FUNDC2: variants seen among roughly 807,000 people sequenced by gnomAD.
FUNDC2 encodes the protein FUN14 domain-containing protein 2.
Under a neutral mutation model 15.6 loss-of-function variants are expected in FUNDC2, and 4 were observed. The ratio of observed to expected loss-of-function variants is 0.26; its 90% CI spans 0.13 to 0.59. The LOEUF is 0.59. FUNDC2 is among the 20% of genes least tolerant of loss of function. The probability of loss-of-function intolerance (pLI) is 0.90; values close to 1 mark genes in which losing one functional copy is unlikely to be tolerated. For synonymous variants in FUNDC2, 44 were observed against 56.9 expected (o/e 0.77, Z 1.02); for missense variants, 98 against 149.7 (o/e 0.65, Z 1.80).
chrX:155,056,613 C>A lies in FUNDC2; in HGVS notation c.*1941C>A, dbSNP rs2073899193. 9.1e-6 allele frequency: 1 copy of A among 109,669 alleles called. No homozygotes were observed. 9.0% of individuals were successfully genotyped at this position (109,669 alleles called of 1,213,427 possible). A position where few individuals can be genotyped will look rare whatever the true frequency, so the allele number is the denominator to read the frequency against. On this transcript the variant is annotated 3_prime_UTR_variant, in exon 5 of 5. Coordinates refer to ENST00000369498, the MANE Select transcript of FUNDC2 (RefSeq NM_023934.4). ...ACACTGAGTCATCTGTTTCCTGCTT[C>A]CCCACACTCTGCCTCTCCTGACATC... is the stretch of plus-strand genomic sequence containing the variant.
chrX:155,056,216 C>G lies in FUNDC2; in HGVS notation c.*1544C>G, dbSNP rs782154768. 1 of 111,801 alleles carries G rather than the reference C, an allele frequency of 8.9e-6. No homozygotes were observed. The highest frequency in any genetic ancestry group is 1.9e-5 in the Non-Finnish European group (1 of 53,131). 9.2% of individuals were successfully genotyped at this position (111,801 alleles called of 1,213,427 possible). A position where few individuals can be genotyped will look rare whatever the true frequency, so the allele number is the denominator to read the frequency against. ...TACAATAATCCCCCTGTGTATCTAT[C>G]ACTCACTCACAACAATCATCAAATT... On this transcript the variant is annotated 3_prime_UTR_variant, in exon 5 of 5. Coordinates refer to ENST00000369498, the MANE Select transcript of FUNDC2 (RefSeq NM_023934.4).
chrX:155,054,114 A>AG (rs2073886662), intron 4 of FUNDC2: 3 of 752,672 alleles, frequency 4.0e-6, no homozygotes, highest in Non-Finnish European at 4.7e-6. Context: ...AGCAGGTTTC[A>AG]GGGGGGAATG....
intron 1 of FUNDC2, among the ~76,000 whole-genome samples, chrX:155,032,120 C>T (rs782403877): frequency 9.1e-6 from 1 of 109,334 alleles, no homozygotes; most frequent in Non-Finnish European, 1.9e-5. Flanking sequence ...TGATTACAGG[C>T]GCATGCCACC....
At chrX:155,053,950 A>G (rs1603439039) in intron 4 of FUNDC2, 1 of 751,823 alleles carries the variant, frequency 1.3e-6, no homozygotes, top group East Asian at 1.5e-4. Context: ...GAGTGTCTGA[A>G]TGTATGCACT....
rs1220487455 is a variant in FUNDC2 at position 155,057,059 on chromosome X, CTG to C, written c.*2390_*2391del. On this transcript the variant is annotated 3_prime_UTR_variant, in exon 5 of 5. Transcript: ENST00000369498. ...CCTCATCCTGCTAGTATGAGAACGGCTGTGAGTTCTGCCCACGGTGTGAGGCC... is the reference window on the plus strand; with the variant it reads ...CCTCATCCTGCTAGTATGAGAACGGCTGAGTTCTGCCCACGGTGTGAGGCC... 1.0e-5 allele frequency: 1 copy of C among 98,359 alleles called. No individual in the cohort carries two copies. Among genetic ancestry groups the C allele is most frequent in the Non-Finnish European group, 2.2e-5 (1 of 44,947 alleles). 8.1% of individuals were successfully genotyped at this position (98,359 alleles called of 1,213,427 possible). A position where few individuals can be genotyped will look rare whatever the true frequency, so the allele number is the denominator to read the frequency against.
intron 4 of FUNDC2, chrX:155,053,914 T>C (rs1351509330): frequency 4.9e-5 from 37 of 751,159 alleles, no homozygotes; most frequent in Non-Finnish European, 4.9e-5. Flanking sequence ...AGGAGATTGG[T>C]AGAGCACAGA....
chrX:155,031,330 T>G (rs2073814350), intron 1 of FUNDC2, among the ~76,000 whole-genome samples: 1 of 111,942 alleles, frequency 8.9e-6, no homozygotes, highest in Admixed American at 9.4e-5. Flanking sequence ...TTCTGTTTCT[T>G]TTTCTTTTTT....
intron 1 of FUNDC2, among the ~76,000 whole-genome samples, chrX:155,028,119 G>GAGCAGACTGCTC (rs1569560146): frequency 2.4e-3 from 162 of 66,265 alleles, no homozygotes; most frequent in African/African-American, 9.4e-3. Context: ...GCTCTTATAG[G>GAGCAGACTGCTC]TTGATCAGGT....
intron 1 of FUNDC2, among the ~76,000 whole-genome samples, chrX:155,032,089 C>A (rs1205942443): frequency 1.8e-5 from 2 of 109,037 alleles, no homozygotes; most frequent in Non-Finnish European, 3.8e-5. Flanking sequence ...GATTCTCCTG[C>A]CTCAGCCTCC....
intron 2 of FUNDC2, among the ~76,000 whole-genome samples, chrX:155,035,233 C>T (rs1241613308): frequency 9.0e-6 from 1 of 111,219 alleles, no homozygotes; most frequent in Non-Finnish European, 1.9e-5. Flanking sequence ...TTCTTTTCTT[C>T]CCCATGTGGA....
At position 155,058,629 on chromosome X, in the gene FUNDC2, G is replaced by C. The variant is rs1282139155; in HGVS notation, c.*3957G>C. 2.7e-5 allele frequency: 3 copies of C among 109,994 alleles called. No homozygotes were observed. Among genetic ancestry groups the C allele is most frequent in the East Asian group, 5.7e-4 (2 of 3,525 alleles). The allele number at this position is 109,994 out of a possible 1,213,427, so 9.1% of individuals were successfully genotyped here. On this transcript the variant is annotated 3_prime_UTR_variant, in exon 5 of 5. Coordinates refer to ENST00000369498, the MANE Select transcript of FUNDC2 (RefSeq NM_023934.4). ...CTTCATTTCTTTGTCATGAAATCTA[G>C]TATGATTTCTCAGAAATCAGGCCCA...
chrX:155,045,591 CAGTGG>C (rs2073859752), intron 2 of FUNDC2, among the ~76,000 whole-genome samples: 2 of 111,787 alleles, frequency 1.8e-5, no homozygotes, highest in Non-Finnish European at 3.8e-5. Flanking sequence ...AGGTCAAGAT[CAGTGG>C]TAACCTTGAT....
intron 1 of FUNDC2, 97 bp downstream of exon 1, chrX:155,027,168 C>T (rs990330124): frequency 2.2e-6 from 2 of 915,146 alleles, no homozygotes; most frequent in Non-Finnish European, 1.4e-6. Flanking sequence ...CGACCGAGCT[C>T]CCCGGGGAGT....
chrX:155,029,067 GTGAC>G (rs1275639646), intron 1 of FUNDC2, among the ~76,000 whole-genome samples: 4 of 111,852 alleles, frequency 3.6e-5, no homozygotes, highest in African/African-American at 1.3e-4. Flanking sequence ...ATGGGAGTTT[GTGAC>G]TGACTGCCTG....
In FUNDC2 at chrX:155,027,075, A is replaced by AGGGC; in HGVS notation, c.133+10_133+13dup. 2 of 1,126,619 alleles carry AGGGC rather than the reference A, an allele frequency of 1.8e-6. No homozygotes were observed. Among genetic ancestry groups the AGGGC allele is most frequent in the African/African-American group, 1.9e-5 (1 of 53,457 alleles). 92.8% of individuals were successfully genotyped at this position (1,126,619 alleles called of 1,213,427 possible). On this transcript the variant is annotated splice_donor_region_variant and intron_variant, in intron 1 of 4. Coordinates refer to ENST00000369498, the MANE Select transcript of FUNDC2 (RefSeq NM_023934.4). ...GAAATGGCCGCGTCCAGTCAAGGTA[A>AGGGC]GGGCGGGCGCGCGCGCGGCCGGCGC...
chrX:155,032,438 G>A (rs1390193902), intron 1 of FUNDC2, among the ~76,000 whole-genome samples: 8 of 108,074 alleles, frequency 7.4e-5, no homozygotes, highest in African/African-American at 1.4e-4. Context: ...CACCACCCCC[G>A]GCTAATTTTG....
chrX:155,032,038 C>T (rs1177752916), intron 1 of FUNDC2, among the ~76,000 whole-genome samples: 2 of 108,618 alleles, frequency 1.8e-5, no homozygotes, highest in East Asian at 2.9e-4. Flanking sequence ...TGAAGTGGCG[C>T]GATCTCGGCT....
chrX:155,055,623 TACAC>T lies in FUNDC2; in HGVS notation c.*966_*969del, dbSNP rs372003545. The T allele has an allele frequency of 1.5e-4, 27 of 180,141 alleles. No individual in the cohort carries two copies. The highest frequency in any genetic ancestry group is 6.5e-4 in the South Asian group (2 of 3,070). The allele number at this position is 180,141 out of a possible 1,213,427, so 14.8% of individuals were successfully genotyped here. The stretch of plus-strand genomic sequence containing the variant: ...CCCTGAGAATTATTCTTTAAAAGCT[TACAC>T]ACACACACACACACGGGCACACACG... On this transcript the variant is annotated 3_prime_UTR_variant, in exon 5 of 5. Coordinates refer to ENST00000369498, the MANE Select transcript of FUNDC2 (RefSeq NM_023934.4).
intron 3 of FUNDC2, chrX:155,049,365 T>G (rs1210720347): frequency 8.8e-6 from 1 of 113,002 alleles, no homozygotes. Context: ...ATTACTACTT[T>G]TGCCCCCTTG....
Sources: gnomAD v4.1 joint callset for allele counts (sites outside exome capture counted in the v4.1 genomes callset) on GRCh38, gnomAD v4.1.1 for gene constraint, MANE v1.5 for transcripts, NCBI Gene and HGNC (gene_info 2026-07-23, HGNC 2026-07-21) for gene names.